CALN1: variants seen among roughly 807,000 people sequenced by gnomAD.
The protein encoded by CALN1 is calcium-binding protein 8.
In CALN1, 17 loss-of-function variants were observed where a neutral mutation model predicts 30.6. The observed-to-expected ratio is 0.56, with a 90% CI of 0.38 to 0.83. The LOEUF is 0.83. CALN1 is among the 40% of genes least tolerant of loss of function. The probability of loss-of-function intolerance (pLI) is 0.00; values close to 1 mark genes in which losing one functional copy is unlikely to be tolerated. For synonymous variants in CALN1, 156 were observed against 131.4 expected (o/e 1.19, Z -1.28); for missense variants, 291 against 354.9 (o/e 0.82, Z 1.45).
intron 3 of CALN1, among the ~76,000 whole-genome samples, chr7:72,115,552 G>A (rs534374665): frequency 6.3e-4 from 85 of 134,440 alleles, no homozygotes; most frequent in Admixed American, 1.8e-3. Flanking sequence ...ACAGTGGTGC[G>A]ATCTCGACTC....
At chr7:72,384,430 AC>A (rs1805086113) in intron 2 of CALN1, among the ~76,000 whole-genome samples, 1 of 152,296 alleles carries the variant, frequency 6.6e-6, no homozygotes, top group South Asian at 2.1e-4. Context: ...AAGAAAATGA[AC>A]CTAAATATAG....
At chr7:71,832,832 C>T (rs547570101) in intron 5 of CALN1, among the ~76,000 whole-genome samples, 1 of 151,952 alleles carries the variant, frequency 6.6e-6, no homozygotes, top group African/African-American at 2.4e-5. Flanking sequence ...TCTCGAACTC[C>T]TGAGTTCTGG....
rs1244875201 is a variant in CALN1, at chr7:71,781,825, T to C, written c.*5950A>G. On this transcript the variant is annotated 3_prime_UTR_variant, in exon 7 of 7. Transcript: ENST00000395275. The stretch of plus-strand genomic sequence containing the variant: ...GCTCAACTGATGAACTACCCCAAGG[T>C]CAGGGTAGGGGCAGGTGGCCGGGCA... The C allele has an allele frequency of 2.0e-5, 3 of 152,140 alleles. No homozygotes were observed. Among genetic ancestry groups the C allele is most frequent in the Non-Finnish European group, 4.4e-5 (3 of 68,030 alleles). The allele number at this position is 152,140 out of a possible 1,614,324, so 9.4% of individuals were successfully genotyped here. A position where few individuals can be genotyped will look rare whatever the true frequency, so the allele number is the denominator to read the frequency against.
chr7:72,243,048 G>A (rs1794940135), intron 3 of CALN1, among the ~76,000 whole-genome samples: 1 of 152,282 alleles, frequency 6.6e-6, no homozygotes, highest in Admixed American at 6.5e-5. Context: ...CAGTAATCCA[G>A]ATAAAGGGAA....
intron 4 of CALN1, chr7:72,104,163 C>A: frequency 1.3e-5 from 2 of 153,626 alleles, no homozygotes; most frequent in South Asian, 3.6e-4. Context: ...CACCTCAAGT[C>A]CAAGCTGGTA....
intron 3 of CALN1, among the ~76,000 whole-genome samples, chr7:72,122,570 T>A (rs900450585): frequency 2.0e-5 from 3 of 151,952 alleles, no homozygotes; most frequent in Admixed American, 6.6e-5. Flanking sequence ...ATGAGAAATT[T>A]AAAAAATTAG....
intron 5 of CALN1, among the ~76,000 whole-genome samples, chr7:71,832,825 C>T (rs1384683348): frequency 1.3e-5 from 2 of 150,286 alleles, no homozygotes; most frequent in Admixed American, 6.6e-5. Flanking sequence ...GGGCTGGTCT[C>T]GAACTCCTGA....
chr7:72,243,168 G>A (rs578072294), intron 3 of CALN1, among the ~76,000 whole-genome samples: 8 of 152,272 alleles, frequency 5.3e-5, no homozygotes, highest in East Asian at 1.9e-4. Context: ...AGGAGCCCCC[G>A]TGATGGTATC....
intron 2 of CALN1, among the ~76,000 whole-genome samples, chr7:72,327,198 T>C (rs1396349138): frequency 1.3e-5 from 2 of 152,186 alleles, no homozygotes; most frequent in Non-Finnish European, 2.9e-5. Flanking sequence ...TGGTTCTGAG[T>C]AACACTTGAT....
intron 3 of CALN1, among the ~76,000 whole-genome samples, chr7:72,238,687 C>T (rs890734676): frequency 6.6e-6 from 1 of 152,064 alleles, no homozygotes; most frequent in East Asian, 1.9e-4. Context: ...GGGGCTTTTC[C>T]CCTCTTTGCT....
chr7:72,308,934 A>C (rs1799851579), intron 2 of CALN1, among the ~76,000 whole-genome samples: 1 of 152,260 alleles, frequency 6.6e-6, no homozygotes, highest in Non-Finnish European at 1.5e-5. Context: ...GCAGGAAAAT[A>C]GTAAACATTT....
chr7:72,103,684 T>C (rs1366519325), intron 4 of CALN1, among the ~76,000 whole-genome samples: 4 of 151,938 alleles, frequency 2.6e-5, no homozygotes, highest in Non-Finnish European at 4.4e-5. Flanking sequence ...GGGCGTGGAC[T>C]AGACAGGGGA....
At chr7:72,408,270 T>TAAAAA (rs34402288) in intron 1 of CALN1, among the ~76,000 whole-genome samples, 1 of 129,446 alleles carries the variant, frequency 7.7e-6, no homozygotes, top group African/African-American at 2.9e-5. Flanking sequence ...CCATCTCTAT[T>TAAAAA]AAAAAAAAAA....
chr7:71,998,672 C>A (rs966942125), intron 5 of CALN1, among the ~76,000 whole-genome samples: 32 of 151,404 alleles, frequency 2.1e-4, no homozygotes, highest in African/African-American at 7.5e-4. Flanking sequence ...CCAGTTCAAG[C>A]AATTATCATG....
intron 5 of CALN1, among the ~76,000 whole-genome samples, chr7:71,929,844 C>A (rs1402716413): frequency 1.3e-5 from 2 of 152,188 alleles, no homozygotes; most frequent in African/African-American, 4.8e-5. Context: ...AATTTGCATT[C>A]ACAGCAGCAA....
At chr7:72,014,254 T>G (rs889398027) in intron 5 of CALN1, among the ~76,000 whole-genome samples, 1 of 151,920 alleles carries the variant, frequency 6.6e-6, no homozygotes, top group Admixed American at 6.6e-5. Flanking sequence ...GCCCAGCTAA[T>G]TTTTGTATTT....
chr7:71,914,506 A>G (rs1469507607), intron 5 of CALN1, among the ~76,000 whole-genome samples: 3 of 152,146 alleles, frequency 2.0e-5, no homozygotes, highest in African/African-American at 7.2e-5. Context: ...GCTGCAGTGA[A>G]CATATTCGTG....
At chr7:72,257,696 A>C (rs1274428461) in intron 3 of CALN1, among the ~76,000 whole-genome samples, 1 of 152,200 alleles carries the variant, frequency 6.6e-6, no homozygotes, top group East Asian at 1.9e-4. Context: ...AACTGCAAAA[A>C]TGTGGAACCG....
At chr7:71,957,164 A>G (rs972107946) in intron 5 of CALN1, among the ~76,000 whole-genome samples, 11 of 152,050 alleles carry the variant, frequency 7.2e-5, no homozygotes, top group African/African-American at 2.7e-4. Context: ...GAAGTAATCA[A>G]GCAGCCACTC....
Sources: allele counts gnomAD v4.1 joint callset (sites outside exome capture counted in the v4.1 genomes callset), GRCh38; gene constraint gnomAD v4.1.1; transcripts MANE v1.5; gene names NCBI Gene and HGNC (gene_info 2026-07-23, HGNC 2026-07-21).